Variants in ME3 observed in about 807,000 individuals in gnomAD.
ME3 encodes the protein NADP-dependent malic enzyme, mitochondrial.
A neutral mutation model predicts 68.9 loss-of-function variants in ME3; 48 were observed. That is an observed-to-expected ratio of 0.70 (90% CI 0.55 to 0.89). The LOEUF is 0.89. ME3 is among the 40% of genes least tolerant of loss of function. The pLI is 0.00. For synonymous variants in ME3, 320 were observed against 318.8 expected, an observed-to-expected ratio of 1.00 and a Z score of -0.04; for missense variants, 675 against 797.4, an observed-to-expected ratio of 0.85 and a Z score of 1.85.
intron 7 of ME3, among the ~76,000 whole-genome samples, chr11:86,468,664 G>A (rs1416364868): frequency 1.3e-5 from 2 of 152,134 alleles, no homozygotes; most frequent in African/African-American, 4.8e-5. Flanking sequence ...ATGGCTTAGT[G>A]GATAAAAAAA....
intron 5 of ME3, among the ~76,000 whole-genome samples, chr11:86,500,591 AC>A (rs145642019): frequency 0.029 from 4,449 of 152,318 alleles, 138 homozygotes; most frequent in African/African-American, 0.076. Context: ...ACCTTTAGTT[AC>A]TTTGAACTGT....
chr11:86,557,904 C>T (rs1000274852), intron 3 of ME3, among the ~76,000 whole-genome samples: 12 of 152,176 alleles, frequency 7.9e-5, no homozygotes, highest in Non-Finnish European at 1.8e-4. Context: ...CCTCACCCAG[C>T]ACAGATAACC....
chr11:86,450,148 C>A (rs1419430964), intron 9 of ME3, 146 bp from the exon 10 acceptor site: 3 of 969,034 alleles, frequency 3.1e-6, no homozygotes, highest in Non-Finnish European at 4.7e-6. Flanking sequence ...CTTGAGACAC[C>A]CAATTGTCAG....
At chr11:86,667,962 A>G (rs1447431478) in intron 2 of ME3, 2 of 152,182 alleles carry the variant, frequency 1.3e-5, no homozygotes, top group Non-Finnish European at 1.5e-5. Flanking sequence ...CATTACATAA[A>G]TTTTAGAAGA....
chr11:86,594,411 C>T (rs1262643365), intron 2 of ME3, among the ~76,000 whole-genome samples: 1 of 146,252 alleles, frequency 6.8e-6, no homozygotes, highest in Non-Finnish European at 1.5e-5. Context: ...GGTCTCCTAG[C>T]TGGGCATAAT....
intron 2 of ME3, among the ~76,000 whole-genome samples, chr11:86,595,226 T>G (rs1959207922): frequency 7.0e-6 from 1 of 143,656 alleles, no homozygotes; most frequent in Non-Finnish European, 1.5e-5. Context: ...GTGTTTAATA[T>G]TTTTGGATTG....
intron 4 of ME3, among the ~76,000 whole-genome samples, chr11:86,533,174 T>C (rs78558063): frequency 0.054 from 8,084 of 150,770 alleles, 290 homozygotes; most frequent in Non-Finnish European, 0.082. Context: ...CAGAAGTAAA[T>C]AAAGACTAGA....
At chr11:86,601,489 A>T (rs1229871490) in intron 2 of ME3, among the ~76,000 whole-genome samples, 4 of 152,184 alleles carry the variant, frequency 2.6e-5, no homozygotes, top group Non-Finnish European at 5.9e-5. Context: ...AGAGTCCAGG[A>T]CCAGATGGAT....
At chr11:86,650,509 G>T (rs1945331759) in intron 2 of ME3, among the ~76,000 whole-genome samples, 1 of 152,208 alleles carries the variant, frequency 6.6e-6, no homozygotes, top group Non-Finnish European at 1.5e-5. Context: ...ACTAGCATCA[G>T]AGTGAGCAGG....
rs189497287 is a variant in ME3, at chr11:86,520,354, C to T, written c.468-11487G>A. Among the ~76,000 whole-genome samples, 9 of 152,312 alleles carry T rather than the reference C, an allele frequency of 5.9e-5. 1 individual carries two copies. The highest frequency in any genetic ancestry group is 2.6e-4 in the Admixed American group (4 of 15,312). ...TACTGATTTCATGCATTCTGCTTTGCGCCAGGCATTGTGCTGAGTACATGG... is the reference window on the plus strand; with the variant it reads ...TACTGATTTCATGCATTCTGCTTTGTGCCAGGCATTGTGCTGAGTACATGG... On this transcript the variant is annotated intron_variant, in intron 4 of 14. Coordinates refer to ENST00000543262, the Ensembl canonical transcript of ME3.
At chr11:86,595,548 C>T (rs987229721) in intron 2 of ME3, among the ~76,000 whole-genome samples, 4 of 152,098 alleles carry the variant, frequency 2.6e-5, no homozygotes, top group African/African-American at 9.7e-5. Flanking sequence ...ACAATCAGAT[C>T]GAGTAAGCGC....
At chr11:86,591,015 C>T (rs919239209) in intron 2 of ME3, among the ~76,000 whole-genome samples, 2 of 152,186 alleles carry the variant, frequency 1.3e-5, no homozygotes, top group African/African-American at 2.4e-5. Flanking sequence ...GTGTGTTGGG[C>T]GATGGGGGGA....
intron 2 of ME3, among the ~76,000 whole-genome samples, chr11:86,610,417 G>A (rs551546093): frequency 6.6e-6 from 1 of 152,246 alleles, no homozygotes; most frequent in South Asian, 2.1e-4. Flanking sequence ...GGAGAAAGGG[G>A]CATTTAAGTT....
intron 2 of ME3, among the ~76,000 whole-genome samples, chr11:86,576,159 T>C (rs932945954): frequency 6.6e-6 from 1 of 152,226 alleles, no homozygotes; most frequent in African/African-American, 2.4e-5. Context: ...AACATCGTTA[T>C]TTGTTCCTTA....
chr11:86,490,376 G>C (rs560816175), intron 6 of ME3, among the ~76,000 whole-genome samples: 12 of 152,294 alleles, frequency 7.9e-5, no homozygotes, highest in African/African-American at 2.9e-4. Context: ...GTGCGTGTGT[G>C]TGTCAGTAGG....
chr11:86,556,848 A>C (rs1956956956), intron 3 of ME3, 146 bp from the exon 4 acceptor site: 1 of 756,388 alleles, frequency 1.3e-6, no homozygotes, highest in Admixed American at 2.8e-5. Flanking sequence ...CATGAGCTTC[A>C]ACAGCTATGA....
At chr11:86,498,465 C>T (rs1422147461) in intron 5 of ME3, among the ~76,000 whole-genome samples, 3 of 152,098 alleles carry the variant, frequency 2.0e-5, no homozygotes, top group South Asian at 2.1e-4. Context: ...GCCTGAGACT[C>T]GGGGTGGTGG....
chr11:86,449,680 G>C (rs528176850), intron 10 of ME3, among the ~76,000 whole-genome samples: 2 of 151,432 alleles, frequency 1.3e-5, no homozygotes, highest in Non-Finnish European at 3.0e-5. Flanking sequence ...AAGACTAGAA[G>C]GGGCACACAT....
chr11:86,544,670 C>A (rs941019340), intron 4 of ME3, among the ~76,000 whole-genome samples: 1 of 152,262 alleles, frequency 6.6e-6, no homozygotes. Flanking sequence ...TAAATAATAG[C>A]CTACCAACCA....
Sources: gnomAD v4.1 joint callset for allele counts (sites outside exome capture counted in the v4.1 genomes callset) on GRCh38, gnomAD v4.1.1 for gene constraint, MANE v1.5 for transcripts, NCBI Gene and HGNC (gene_info 2026-07-23, HGNC 2026-07-21) for gene names.